CSNK1G3: variants seen among roughly 807,000 people sequenced by gnomAD.
CSNK1G3 encodes the protein casein kinase 1 gamma 3.
CSNK1G3 carries 23 observed loss-of-function variants against 64.3 expected under a neutral mutation model. The ratio of observed to expected loss-of-function variants is 0.36; its 90% CI spans 0.26 to 0.51. The LOEUF (loss-of-function observed/expected upper bound fraction) is 0.51, where lower values mean the gene tolerates loss of function less well. Among genes scored for constraint, CSNK1G3 ranks in the 20% least tolerant of loss-of-function variants. CSNK1G3 has a pLI of 0.96. For synonymous variants in CSNK1G3, 158 were observed against 162.2 expected (o/e 0.97, Z 0.20); for missense variants, 357 against 510.5 (o/e 0.70, Z 2.90).
At chr5:123,606,826 G>A (rs1255529568) in intron 12 of CSNK1G3, among the ~76,000 whole-genome samples, 1 of 152,130 alleles carries the variant, frequency 6.6e-6, no homozygotes, top group Non-Finnish European at 1.5e-5. Context: ...CACTGCTGAG[G>A]TTTCTGACAT....
At chr5:123,578,577 G>A (rs561927823) in intron 6 of CSNK1G3, among the ~76,000 whole-genome samples, 2 of 151,582 alleles carry the variant, frequency 1.3e-5, no homozygotes, top group African/African-American at 4.8e-5. Context: ...TTTCTTAATG[G>A]TATCTTTTGA....
chr5:123,601,859 C>G (rs990365730), intron 10 of CSNK1G3, among the ~76,000 whole-genome samples: 6 of 152,078 alleles, frequency 3.9e-5, no homozygotes, highest in African/African-American at 1.2e-4. Context: ...GTTCAGTGAA[C>G]TGTTTGATTA....
At chr5:123,572,227 G>C (rs888842385) in intron 4 of CSNK1G3, among the ~76,000 whole-genome samples, 4 of 151,930 alleles carry the variant, frequency 2.6e-5, no homozygotes, top group African/African-American at 7.3e-5. Context: ...TCCTTCCCTA[G>C]CTCTGTTTGT....
At chr5:123,603,640 G>A (rs1260574719) in intron 10 of CSNK1G3, among the ~76,000 whole-genome samples, 2 of 152,112 alleles carry the variant, frequency 1.3e-5, no homozygotes. Flanking sequence ...TGTCAGCATA[G>A]AAATTTTTAG....
At chr5:123,577,145 T>C (rs1317033900) in intron 6 of CSNK1G3, among the ~76,000 whole-genome samples, 2 of 152,118 alleles carry the variant, frequency 1.3e-5, no homozygotes, top group Non-Finnish European at 2.9e-5. Context: ...TTGAGTACTT[T>C]CTTTCTTTTG....
chr5:123,549,093 G>C (rs1438968373), intron 2 of CSNK1G3, among the ~76,000 whole-genome samples: 1 of 152,138 alleles, frequency 6.6e-6, no homozygotes, highest in Non-Finnish European at 1.5e-5. Flanking sequence ...ATTATATAAA[G>C]TTGAAATATC....
At chr5:123,552,247 C>T (rs549061875) in intron 2 of CSNK1G3, among the ~76,000 whole-genome samples, 26 of 151,666 alleles carry the variant, frequency 1.7e-4, no homozygotes, top group South Asian at 6.2e-4. Flanking sequence ...TGGGTTCAAG[C>T]GAATTCTCCT....
intron 2 of CSNK1G3, among the ~76,000 whole-genome samples, chr5:123,547,628 C>T (rs1782785850): frequency 6.6e-6 from 1 of 151,982 alleles, no homozygotes; most frequent in Non-Finnish European, 1.5e-5. Context: ...AGTATCGTGG[C>T]TTCTTAGTAC....
chr5:123,612,612 G>A (rs982798344), intron 12 of CSNK1G3, among the ~76,000 whole-genome samples: 5 of 151,786 alleles, frequency 3.3e-5, no homozygotes, highest in African/African-American at 1.2e-4. Context: ...TGAGTAGCTG[G>A]GATTACAGGT....
At chr5:123,530,925 C>G (rs1039727212) in intron 1 of CSNK1G3, among the ~76,000 whole-genome samples, 1 of 152,126 alleles carries the variant, frequency 6.6e-6, no homozygotes, top group African/African-American at 2.4e-5. Context: ...AAACCAGTAA[C>G]TGGGACACTT....
Position 123,541,693 on chromosome 5 carries a change from A to T in CSNK1G3, c.-247-3724A>T, listed in dbSNP as rs1004439231. Among the ~76,000 whole-genome samples the T allele has an allele frequency of 2.0e-5, 3 of 152,154 alleles. No individual in the cohort carries two copies. The South Asian group carries it at 6.2e-4, about 32-fold the overall frequency. ...GCGAATCACCTACCTCTGCCTCCCA[A>T]AGTGCTGGGATTACAGTTGTGAGCC... On this transcript the variant is annotated intron_variant, in intron 1 of 12. Coordinates refer to ENST00000345990, the Ensembl canonical transcript of CSNK1G3.
intron 5 of CSNK1G3, among the ~76,000 whole-genome samples, chr5:123,574,569 C>A (rs569972095): frequency 1.3e-5 from 2 of 152,064 alleles, no homozygotes; most frequent in South Asian, 4.2e-4. Flanking sequence ...CCTGTAATCC[C>A]AGCACTTTGG....
At chr5:123,523,690 T>C (rs1778532642) in intron 1 of CSNK1G3, among the ~76,000 whole-genome samples, 1 of 152,202 alleles carries the variant, frequency 6.6e-6, no homozygotes. Context: ...AATTGGTACA[T>C]GATAAAGAGT....
At chr5:123,567,448 A>C (rs116758109) in intron 4 of CSNK1G3, among the ~76,000 whole-genome samples, 201 of 152,168 alleles carry the variant, frequency 1.3e-3, no homozygotes, top group African/African-American at 4.7e-3. Flanking sequence ...TAAAAATACA[A>C]TAAAAAGATT....
Position 123,571,434 on chromosome 5 carries a change from A to G in CSNK1G3, c.290-1959A>G, listed in dbSNP as rs1018634737. Among the ~76,000 whole-genome samples, 8 of 152,028 alleles carry G rather than the reference A, an allele frequency of 5.3e-5. No homozygotes were observed. In the East Asian group the frequency reaches 1.5e-3, roughly 29 times the overall value. On this transcript the variant is annotated intron_variant, in intron 4 of 12. Coordinates refer to ENST00000345990, the Ensembl canonical transcript of CSNK1G3. ...GAGTAGCTGGGACTACAGTGATTAC[A>G]CTAGCTTACATTCCCACCTGCAGAT... is the stretch of plus-strand genomic sequence containing the variant.
At chr5:123,540,404 CT>C (rs1202305651) in intron 1 of CSNK1G3, among the ~76,000 whole-genome samples, 1 of 151,986 alleles carries the variant, frequency 6.6e-6, no homozygotes, top group African/African-American at 2.4e-5. Flanking sequence ...CTGATTTGCT[CT>C]TTTCTCTAGC....
intron 1 of CSNK1G3, among the ~76,000 whole-genome samples, chr5:123,517,187 C>G (rs531642738): frequency 6.6e-6 from 1 of 152,186 alleles, no homozygotes; most frequent in Non-Finnish European, 1.5e-5. Flanking sequence ...GCTTAACCCA[C>G]TCGTGAGATT....
intron 1 of CSNK1G3, among the ~76,000 whole-genome samples, chr5:123,532,094 A>G (rs963778656): frequency 2.6e-5 from 4 of 152,004 alleles, no homozygotes; most frequent in Non-Finnish European, 4.4e-5. Flanking sequence ...AGGTATTTTT[A>G]GCAACTGGTG....
intron 7 of CSNK1G3, 68 bp from the exon 8 acceptor site, chr5:123,588,359 C>A (rs1581308504): frequency 7.8e-7 from 1 of 1,282,428 alleles, no homozygotes; most frequent in Non-Finnish European, 1.1e-6. Context: ...TTACAGGCTA[C>A]CGTGTGCAGT....
Sources: gnomAD v4.1 joint callset for allele counts (sites outside exome capture counted in the v4.1 genomes callset) on GRCh38, gnomAD v4.1.1 for gene constraint, MANE v1.5 for transcripts, NCBI Gene and HGNC (gene_info 2026-07-23, HGNC 2026-07-21) for gene names.